The following NCF2 variants were observed in gnomAD, a reference collection of about 807,000 sequenced individuals.
The protein encoded by NCF2 is neutrophil cytosol factor 2.
A neutral mutation model predicts 70.9 loss-of-function variants in NCF2; 45 were observed. The observed-to-expected ratio is 0.63, with a 90% confidence interval of 0.50 to 0.81. The LOEUF is 0.81. Among genes scored for constraint, NCF2 ranks in the 40% least tolerant of loss-of-function variants. The pLI, the probability that NCF2 is intolerant of heterozygous loss-of-function variation, is 0.00. For synonymous variants in NCF2, 203 were observed against 233.6 expected (o/e 0.87, Z 1.19); for missense variants, 522 against 631.6 (o/e 0.83, Z 1.86).
the NCF2 span, among the ~76,000 whole-genome samples, chr1:183,599,812 C>T: frequency 6.6e-6 from 1 of 152,076 alleles, no homozygotes; most frequent in Admixed American, 6.6e-5. Context: ...CTCAGCCTCC[C>T]AAAATGCTGG....
At chr1:183,599,222 G>GA in the NCF2 span, among the ~76,000 whole-genome samples, 7 of 151,184 alleles carry the variant, frequency 4.6e-5, no homozygotes, top group African/African-American at 7.3e-5. Flanking sequence ...ATCTCTACTA[G>GA]AAAAAAAAAT....
intron 14 of NCF2, among the ~76,000 whole-genome samples, chr1:183,559,188 T>C (rs1481810028): frequency 1.3e-5 from 2 of 152,060 alleles, no homozygotes. Context: ...CTTCCAGGGA[T>C]TCTTAGAACT....
upstream of NCF2, among the ~76,000 whole-genome samples, chr1:183,595,581 G>T (rs186915491): frequency 4.6e-5 from 7 of 152,114 alleles, no homozygotes; most frequent in Admixed American, 4.6e-4. Flanking sequence ...AGACTTGACG[G>T]CATCTGCTGC....
chr1:183,556,253 T>C, intron 14 of NCF2, 23 bp from the exon 15 acceptor site: 1 of 1,601,272 alleles, frequency 6.2e-7, no homozygotes, highest in Non-Finnish European at 8.6e-7. Context: ...AAAGTACACA[T>C]GGATTTCTAA....
the NCF2 span, among the ~76,000 whole-genome samples, chr1:183,600,768 G>C: frequency 6.6e-6 from 1 of 152,064 alleles, no homozygotes; most frequent in Admixed American, 6.5e-5. Context: ...TCATCTGACA[G>C]AAGAGCCTCC....
At chr1:183,570,905 C>G in intron 5 of NCF2, 66 bp from the exon 6 acceptor site, 1 of 1,522,310 alleles carries the variant, frequency 6.6e-7, no homozygotes, top group East Asian at 2.3e-5. Context: ...GGGTCTCCCT[C>G]TTTGCTCATG....
At chr1:183,573,373 G>T in intron 4 of NCF2, 81 bp from the exon 5 acceptor site, 1 of 1,240,420 alleles carries the variant, frequency 8.1e-7, no homozygotes, top group Non-Finnish European at 1.2e-6. Flanking sequence ...GTGAATAGAT[G>T]CAAGAATTCA....
rs1672349727 is a variant in NCF2, at chr1:183,567,294, T to G, written c.765A>C (p.Thr255=). ...HRVLFGFVPE[T]KEELQVMPGN... ...CTGGCATGACCTGGAGCTCTTCTTT[T>G]GTCTCAGGCACAAACCCAAATAGCA... Residue 255 remains threonine, a synonymous_variant, in exon 8 of 15, where the codon ACA becomes ACC. Transcript: ENST00000367535. 6.2e-7 allele frequency: 1 copy of G among 1,614,064 alleles called. No individual in the cohort carries two copies. Among genetic ancestry groups the G allele is most frequent in the Admixed American group, 1.7e-5 (1 of 60,002 alleles).
intron 13 of NCF2, among the ~76,000 whole-genome samples, chr1:183,561,742 A>G (rs989353410): frequency 1.4e-5 from 2 of 143,496 alleles, no homozygotes; most frequent in Middle Eastern, 3.8e-3. Context: ...CGGCCTCCCA[A>G]AGTGCTAGGA....
intron 10 of NCF2, among the ~76,000 whole-genome samples, chr1:183,565,159 G>A (rs560290739): frequency 6.6e-6 from 1 of 152,176 alleles, no homozygotes; most frequent in Non-Finnish European, 1.5e-5. Flanking sequence ...CTCACTCTGC[G>A]TCTCTACCAA....
At chr1:183,562,571 A>T (rs1672112999) in intron 13 of NCF2, among the ~76,000 whole-genome samples, 1 of 152,118 alleles carries the variant, frequency 6.6e-6, no homozygotes, top group African/African-American at 2.4e-5. Flanking sequence ...CTCCCAGCTC[A>T]TGTCTGTAAT....
upstream of NCF2, among the ~76,000 whole-genome samples, chr1:183,592,841 T>C (rs1673712106): frequency 6.6e-6 from 1 of 152,176 alleles, no homozygotes; most frequent in Non-Finnish European, 1.5e-5. Flanking sequence ...CACAATCCCA[T>C]ACAAACTCTG....
chr1:183,569,013 G>A, intron 7 of NCF2, 129 bp downstream of exon 7: 1 of 857,186 alleles, frequency 1.2e-6, no homozygotes, highest in Non-Finnish European at 2.0e-6. Context: ...TCTAGAAGAA[G>A]CCTGACATTC....
At chr1:183,577,775 G>C in intron 2 of NCF2, 68 bp from the exon 3 acceptor site, 1 of 1,121,652 alleles carries the variant, frequency 8.9e-7, no homozygotes, top group Non-Finnish European at 1.4e-6. Context: ...TAAAATGTGA[G>C]TCTGCTTCTC....
At chr1:183,589,739 G>A (rs1673552274) in intron 1 of NCF2, among the ~76,000 whole-genome samples, 1 of 152,112 alleles carries the variant, frequency 6.6e-6, no homozygotes, top group African/African-American at 2.4e-5. Context: ...AGCAGGCAAA[G>A]TCGACACACA....
Position 183,573,286 on chromosome 1 carries a change from T to C in NCF2, c.508A>G (p.Lys170Glu), listed in dbSNP as rs769704327. The part of the protein sequence containing the change: ...DKAMECVWKQ[K>E]LYEPVVIPVG... ...GGGATCACCACTGGCTCATATAGCT[T>C]CTGCTTCTGTAACACAGAAAACGTA... The change falls in exon 5 of 15, where the codon AAG becomes GAG. Residue 170 changes from lysine (K) to glutamate (E), a missense_variant. Lys to Glu is a moderately conservative substitution (Grantham distance 56). Coordinates refer to ENST00000367535, the MANE Select transcript of NCF2 (RefSeq NM_000433.4). 6.2e-7 allele frequency: 1 copy of C among 1,613,992 alleles called. No homozygotes were observed.
chr1:183,555,901 C>G lies in NCF2; in HGVS notation c.*217G>C. Reference sequence around the variant, plus strand: ...CATCCACTTTTCCTCTCCCCTAACTCCTCCATTCACCTGTCCCCATCTCCT... The same window carrying G: ...CATCCACTTTTCCTCTCCCCTAACTGCTCCATTCACCTGTCCCCATCTCCT... On this transcript the variant is annotated 3_prime_UTR_variant, in exon 15 of 15. Coordinates refer to ENST00000367535, the MANE Select transcript of NCF2 (RefSeq NM_000433.4). The G allele has an allele frequency of 1.7e-6, 1 of 605,026 alleles. No individual in the cohort carries two copies. The highest frequency in any genetic ancestry group is 2.8e-5 in the East Asian group (1 of 35,746). 37.5% of individuals were successfully genotyped at this position (605,026 alleles called of 1,614,324 possible). A position where few individuals can be genotyped will look rare whatever the true frequency, so the allele number is the denominator to read the frequency against.
upstream of NCF2, among the ~76,000 whole-genome samples, chr1:183,592,316 C>T (rs1471202263): frequency 6.6e-6 from 1 of 152,238 alleles, no homozygotes; most frequent in African/African-American, 2.4e-5. Flanking sequence ...TCTTCTTTGC[C>T]TGGCAAACTC....
At chr1:183,560,964 A>G (rs552531966) in intron 13 of NCF2, among the ~76,000 whole-genome samples, 5 of 152,310 alleles carry the variant, frequency 3.3e-5, no homozygotes, top group African/African-American at 9.6e-5. Context: ...CAGACTTTCA[A>G]CTCCATCCCA....
Sources: allele counts gnomAD v4.1 joint callset (sites outside exome capture counted in the v4.1 genomes callset), GRCh38; gene constraint gnomAD v4.1.1; transcripts MANE v1.5; gene names NCBI Gene and HGNC (gene_info 2026-07-23, HGNC 2026-07-21).